Variants in CDYL observed in about 807,000 individuals in gnomAD.
CDYL encodes chromodomain Y like.
In CDYL, 8 loss-of-function variants were observed where a neutral mutation model predicts 47.3. The ratio of observed to expected loss-of-function variants is 0.17; its 90% CI spans 0.10 to 0.31. CDYL has a LOEUF of 0.31. Among genes scored for constraint, CDYL ranks in the 10% least tolerant of loss-of-function variants. The pLI is 1.00. For synonymous variants in CDYL, 266 were observed against 265.0 expected (o/e 1.00, Z -0.04); for missense variants, 471 against 701.4 (o/e 0.67, Z 3.71).
At chr6:4,808,618 G>A (rs933925015) in intron 1 of CDYL, among the ~76,000 whole-genome samples, 7 of 152,100 alleles carry the variant, frequency 4.6e-5, no homozygotes, top group African/African-American at 7.2e-5. Flanking sequence ...ACACAGCCCC[G>A]CCTATTTGTT....
At chr6:4,844,896 A>G (rs1760609151) in intron 1 of CDYL, among the ~76,000 whole-genome samples, 1 of 152,210 alleles carries the variant, frequency 6.6e-6, no homozygotes, top group Non-Finnish European at 1.5e-5. Context: ...ATATTCAACA[A>G]ATAATTTTGC....
In CDYL at chr6:4,892,016, A is replaced by G. The variant is rs1282186180; in HGVS notation, c.328A>G (p.Ser110Gly). Residue 110 changes from serine (S) to glycine (G), a missense_variant, in exon 2 of 7, where the codon AGC becomes GGC. By Grantham distance (56) the Ser-to-Gly change is moderately conservative. Transcript: ENST00000397588. Reference protein sequence around the residue: ...VIGKDHESKNSQLFAASQKFR... With the variant: ...VIGKDHESKNGQLFAASQKFR... Reference sequence around the variant, plus strand: ...TGGGAAAGACCACGAATCCAAAAACAGCCAGCTGTTTGCTGCCAGCCAGAA... The same window carrying G: ...TGGGAAAGACCACGAATCCAAAAACGGCCAGCTGTTTGCTGCCAGCCAGAA... The G allele has an allele frequency of 2.5e-6, 4 of 1,614,246 alleles. No homozygotes were observed. Among genetic ancestry groups the G allele is most frequent in the Admixed American group, 3.3e-5 (2 of 60,028 alleles).
chr6:4,765,547 A>C (rs907031593), intron 3 of CDYL, among the ~76,000 whole-genome samples: 2 of 151,694 alleles, frequency 1.3e-5, no homozygotes, highest in African/African-American at 4.8e-5. Context: ...TCAATGAACA[A>C]AGTCATCTTT....
chr6:4,717,703 CAAAAAAAAAAAAAAAAAAAAAAA>C (rs200835710), intron 2 of CDYL, among the ~76,000 whole-genome samples: 2 of 49,340 alleles, frequency 4.1e-5, no homozygotes, highest in African/African-American at 1.9e-4. Flanking sequence ...AAGACCCTCA[CAAAAAAAAAAAAAAAAAAAAAAA>C]AAAAAAAAAA....
chr6:4,758,368 A>C (rs1003292685), intron 3 of CDYL, among the ~76,000 whole-genome samples: 3 of 144,534 alleles, frequency 2.1e-5, no homozygotes, highest in South Asian at 2.2e-4. Context: ...ATATATATAT[A>C]TATCTCTTTG....
chr6:4,844,272 G>A (rs1581206903), intron 1 of CDYL, among the ~76,000 whole-genome samples: 1 of 152,192 alleles, frequency 6.6e-6, no homozygotes, highest in South Asian at 2.1e-4. Context: ...GTGTTGGTTG[G>A]CCTCCAGCCA....
At chr6:4,902,556 A>T (rs915632993) in intron 2 of CDYL, among the ~76,000 whole-genome samples, 2 of 152,132 alleles carry the variant, frequency 1.3e-5, no homozygotes, top group African/African-American at 4.8e-5. Flanking sequence ...TCACCAGGAG[A>T]CTGAGCTGTG....
At chr6:4,777,023 T>TGGGG (rs1250362537) in intron 1 of CDYL, among the ~76,000 whole-genome samples, 7 of 67,538 alleles carry the variant, frequency 1.0e-4, no homozygotes, top group South Asian at 1.2e-3. Flanking sequence ...GGGCGTGGGG[T>TGGGG]GGGGGGGGGG....
At chr6:4,715,889 C>T (rs746907474) in intron 2 of CDYL, 3 of 1,612,610 alleles carry the variant, frequency 1.9e-6, no homozygotes, top group Non-Finnish European at 2.5e-6. Flanking sequence ...ACGGTAAGAA[C>T]TTGCAGGAAT....
intron 3 of CDYL, among the ~76,000 whole-genome samples, chr6:4,755,227 ATTT>A (rs34342399): frequency 1.4e-5 from 2 of 142,164 alleles, no homozygotes; most frequent in African/African-American, 2.5e-5. Context: ...TGCCCACCTA[ATTT>A]TTTTTTTTTT....
intron 1 of CDYL, among the ~76,000 whole-genome samples, chr6:4,858,624 T>C (rs1289949438): frequency 1.3e-5 from 2 of 152,270 alleles, no homozygotes; most frequent in East Asian, 3.9e-4. Flanking sequence ...TCCTGTGACC[T>C]GCCTTTTGTT....
At chr6:4,870,132 A>G (rs954655464) in intron 1 of CDYL, among the ~76,000 whole-genome samples, 15 of 152,130 alleles carry the variant, frequency 9.9e-5, no homozygotes. Context: ...TGGTGTGATC[A>G]TAGCTCACTG....
chr6:4,819,906 G>A (rs1255106308), intron 1 of CDYL, among the ~76,000 whole-genome samples: 1 of 152,204 alleles, frequency 6.6e-6, no homozygotes, highest in Non-Finnish European at 1.5e-5. Context: ...TAGTGCTGAA[G>A]TCAAGAAACC....
chr6:4,781,325 C>A (rs1427436986), intron 1 of CDYL, among the ~76,000 whole-genome samples: 2 of 152,128 alleles, frequency 1.3e-5, no homozygotes, highest in African/African-American at 4.8e-5. Context: ...ATCTGTAGTT[C>A]AAATGGAAGT....
Position 4,896,598 on chromosome 6 carries a change from C to T in CDYL, c.691+4219C>T, listed in dbSNP as rs193160954. ...ATATATGGCCAGAAACACAGACATT[C>T]CAGAAAGCCCTCGTTCGCCCTCTGG... On this transcript the variant is annotated intron_variant, in intron 2 of 6. Coordinates refer to ENST00000397588, the MANE Select transcript of CDYL (RefSeq NM_004824.4). 1.2e-4 allele frequency among the ~76,000 whole-genome samples: 18 copies of T among 152,264 alleles called. No individual in the cohort carries two copies. The East Asian group carries it at 3.1e-3, about 26-fold the overall frequency.
intron 2 of CDYL, among the ~76,000 whole-genome samples, chr6:4,895,054 T>C (rs1249123011): frequency 7.0e-6 from 1 of 143,730 alleles, no homozygotes. Flanking sequence ...TATACACATG[T>C]ACATATGGGT....
intron 1 of CDYL, among the ~76,000 whole-genome samples, chr6:4,809,557 ATATTTTGTATAGTAGGGGTATTATATTAG>A: frequency 2.6e-5 from 4 of 151,176 alleles, no homozygotes; most frequent in African/African-American, 7.3e-5. Flanking sequence ...GTCCTTGGTG[ATATTTTGTATAGTAGGGGTATTATATTAG>A]TCCTTGGTGA....
intron 3 of CDYL, among the ~76,000 whole-genome samples, chr6:4,763,365 G>A (rs1055729902): frequency 2.0e-5 from 3 of 152,048 alleles, no homozygotes; most frequent in Admixed American, 6.6e-5. Context: ...AATATTGATT[G>A]CATAAGCCAA....
At chr6:4,948,798 A>G (rs908202573) in intron 5 of CDYL, among the ~76,000 whole-genome samples, 37 of 152,334 alleles carry the variant, frequency 2.4e-4, no homozygotes, top group African/African-American at 7.7e-4. Flanking sequence ...TGAATTCTAC[A>G]CTTTCTGAGC....
Sources: gnomAD v4.1 joint callset for allele counts (sites outside exome capture counted in the v4.1 genomes callset) on GRCh38, gnomAD v4.1.1 for gene constraint, MANE v1.5 for transcripts, NCBI Gene and HGNC (gene_info 2026-07-23, HGNC 2026-07-21) for gene names.